NANOGNB: variants seen among roughly 807,000 people sequenced by gnomAD.
The protein encoded by NANOGNB is NANOG neighbor homeobox.
NANOGNB carries 30 observed loss-of-function variants against 25.0 expected under a neutral mutation model. That is an observed-to-expected ratio of 1.20 (90% CI 0.90 to 1.63). NANOGNB has a LOEUF of 1.63. Among genes scored for constraint, NANOGNB ranks in the 40% most tolerant of loss-of-function variants. The probability of loss-of-function intolerance (pLI) is 0.00; values close to 1 mark genes in which losing one functional copy is unlikely to be tolerated. For synonymous variants in NANOGNB, 84 were observed against 62.1 expected, an observed-to-expected ratio of 1.35 and a Z score of -1.66; for missense variants, 200 against 188.1, an observed-to-expected ratio of 1.06 and a Z score of -0.37.
chr12:7,766,347 C>A (rs1004211476), intron 1 of NANOGNB, among the ~76,000 whole-genome samples: 2 of 152,104 alleles, frequency 1.3e-5, no homozygotes, highest in Non-Finnish European at 2.9e-5. Context: ...GTGAGGCACG[C>A]CTGTAGTCCC....
In NANOGNB at chr12:7,770,462, G is replaced by C; in HGVS notation, c.459G>C (p.Thr153=). Residue 153 remains threonine, a synonymous_variant, in exon 3 of 4, where the codon ACG becomes ACC. Transcript: ENST00000382119. ...AGATAAGTCAATGGTTTTGTAAAAC[G>C]AGGAAGAAATATAATAAAGAAATGT... The part of the protein sequence containing the change: ...HKQISQWFCK[T]RKKYNKEMSK... The C allele has an allele frequency of 6.5e-7, 1 of 1,534,728 alleles. No homozygotes were observed. The highest frequency in any genetic ancestry group is 1.2e-5 in the South Asian group (1 of 82,786).
intron 1 of NANOGNB, among the ~76,000 whole-genome samples, chr12:7,766,462 G>A (rs1320885026): frequency 6.6e-6 from 1 of 152,164 alleles, no homozygotes; most frequent in Non-Finnish European, 1.5e-5. Context: ...TTCAGAGTGA[G>A]ACTCCGTCTC....
Position 7,770,273 on chromosome 12 carries a change from G to C in NANOGNB, c.393G>C (p.Glu131Asp). The change falls in exon 2 of 4, where the codon GAG becomes GAC. Residue 131 changes from glutamate to aspartate, a missense_variant. Coordinates refer to ENST00000382119, the MANE Select transcript of NANOGNB (RefSeq NM_001145465.1). Reference sequence around the variant, plus strand: ...TAAACAGGTGCCCCACTATACAAGAGAGTCTATCACTGTCATTTGAATTTG... The same window carrying C: ...TAAACAGGTGCCCCACTATACAAGACAGTCTATCACTGTCATTTGAATTTG... Reference protein sequence around the residue: ...FKLNRCPTIQESLSLSFEFDM... With the variant: ...FKLNRCPTIQDSLSLSFEFDM... 6.5e-7 allele frequency: 1 copy of C among 1,541,476 alleles called. No individual in the cohort carries two copies. The highest frequency in any genetic ancestry group is 8.7e-7 in the Non-Finnish European group (1 of 1,144,484).
In NANOGNB at chr12:7,770,103, C is replaced by T. The variant is rs185000545; in HGVS notation, c.223C>T (p.Arg75Ter). 953 of 1,537,718 alleles carry T rather than the reference C, an allele frequency of 6.2e-4. No individual in the cohort carries two copies. Among genetic ancestry groups the T allele is most frequent in the Non-Finnish European group, 7.4e-4 (838 of 1,136,756 alleles). ...AGGAGAAGCAGGCAGAAAGAGAGAA[C>T]GAGAAAAAGAAGAAAAAAACGAAAA... ...EEGEAGRKREREKEEKNEKEL... is the reference protein window; with the variant it reads ...EEGEAGRKRE Residue 75 changes from arginine (R) to a stop codon, truncating the protein, a stop_gained, in exon 2 of 4, where the codon CGA (arginine) becomes TGA (stop). Coordinates refer to ENST00000382119, the MANE Select transcript of NANOGNB (RefSeq NM_001145465.1). LOFTEE classifies it high-confidence loss of function.
intron 1 of NANOGNB, among the ~76,000 whole-genome samples, chr12:7,769,225 T>C (rs1328225334): frequency 1.3e-5 from 2 of 152,232 alleles, no homozygotes; most frequent in Middle Eastern, 3.4e-3. Context: ...AATGGTGCGA[T>C]ATCGGCTTAC....
intron 1 of NANOGNB, among the ~76,000 whole-genome samples, chr12:7,767,184 C>T (rs1387684706): frequency 6.6e-6 from 1 of 152,038 alleles, no homozygotes; most frequent in African/African-American, 2.4e-5. Context: ...TAATGTCTGA[C>T]TCTGAAGAGG....
chr12:7,767,678 G>C (rs1427708156), intron 1 of NANOGNB, among the ~76,000 whole-genome samples: 1 of 151,740 alleles, frequency 6.6e-6, no homozygotes, highest in African/African-American at 2.4e-5. Flanking sequence ...GCCTATGCTG[G>C]ACATTTCATA....
intron 3 of NANOGNB, among the ~76,000 whole-genome samples, chr12:7,773,546 CAAAA>C (rs869038102): frequency 6.5e-5 from 1 of 15,442 alleles, no homozygotes; most frequent in Non-Finnish European, 9.7e-5. Context: ...ACTAAAAATA[CAAAA>C]AAAAAAAAAA....
chr12:7,773,803 G>T lies in NANOGNB; in HGVS notation c.519G>T (p.Trp173Cys). ...TTTTTTTTTTTTTTTTAAACAGATG[G>T]AGATCTCTGTGTTGCCAAGGCTGGT... The part of the protein sequence containing the change: ...KRKHKKKHMR[W>C]RSLCCQGWSR... Residue 173 changes from tryptophan (W) to cysteine (C), a missense_variant, in exon 4 of 4, where the codon TGG becomes TGT. Physicochemically the swap from Trp to Cys is radical, Grantham distance 215. Transcript: ENST00000382119. 1.6e-6 allele frequency: 1 copy of T among 630,528 alleles called. No homozygotes were observed. The highest frequency in any genetic ancestry group is 1.7e-5 in the South Asian group (1 of 57,302). The allele number at this position is 630,528 out of a possible 1,614,324, so 39.1% of individuals were successfully genotyped here.
intron 1 of NANOGNB, among the ~76,000 whole-genome samples, chr12:7,769,323 CA>C (rs1327622209): frequency 1.5e-5 from 2 of 134,834 alleles, no homozygotes; most frequent in Admixed American, 8.0e-5. Context: ...CCATGCCTGG[CA>C]AATTTTTTTT....
At chr12:7,768,927 G>T (rs767181598) in intron 1 of NANOGNB, among the ~76,000 whole-genome samples, 10 of 151,976 alleles carry the variant, frequency 6.6e-5, no homozygotes, top group South Asian at 4.2e-4. Flanking sequence ...CCACCACGCC[G>T]GGCCTTGTTA....
intron 1 of NANOGNB, among the ~76,000 whole-genome samples, chr12:7,768,996 TA>T (rs1865269523): frequency 6.6e-6 from 1 of 152,088 alleles, no homozygotes; most frequent in Non-Finnish European, 1.5e-5. Flanking sequence ...AAAGGGATTA[TA>T]ATCTGAGAAA....
intron 3 of NANOGNB, among the ~76,000 whole-genome samples, chr12:7,772,872 C>A (rs1042881475): frequency 3.3e-5 from 5 of 152,058 alleles, no homozygotes; most frequent in African/African-American, 1.2e-4. Flanking sequence ...GCCACTGCAC[C>A]CATCTGGGCT....
At position 7,770,113 on chromosome 12, in the gene NANOGNB, A is replaced by C; in HGVS notation, c.233A>C (p.Glu78Ala). The C allele has an allele frequency of 6.5e-7, 1 of 1,544,628 alleles. No homozygotes were observed. The highest frequency in any genetic ancestry group is 8.8e-7 in the Non-Finnish European group (1 of 1,141,294). Residue 78 changes from glutamate to alanine, a missense_variant, in exon 2 of 4, where the codon GAA becomes GCA. Glu to Ala is a moderately radical substitution (Grantham distance 107). Transcript: ENST00000382119. The stretch of plus-strand genomic sequence containing the variant: ...GGCAGAAAGAGAGAACGAGAAAAAG[A>C]AGAAAAAAACGAAAAGGAGCTGCAA... ...EAGRKREREK[E>A]EKNEKELQDE... is the part of the protein sequence containing the mutation.
chr12:7,768,505 T>A (rs754584636), intron 1 of NANOGNB, among the ~76,000 whole-genome samples: 1 of 151,846 alleles, frequency 6.6e-6, no homozygotes, highest in Non-Finnish European at 1.5e-5. Flanking sequence ...GCCACTGGCA[T>A]ATTTCTTTTC....
At chr12:7,773,683 C>T (rs768324830) in intron 3 of NANOGNB, 117 bp from the exon 4 acceptor site, 8 of 429,570 alleles carry the variant, frequency 1.9e-5, no homozygotes, top group Non-Finnish European at 3.2e-5. Flanking sequence ...CGAGATTGTG[C>T]CATTGCACTC....
intron 1 of NANOGNB, chr12:7,765,935 C>T (rs2120508829): frequency 2.6e-6 from 1 of 390,564 alleles, no homozygotes; most frequent in Non-Finnish European, 4.5e-6. Context: ...ATTAGATGAC[C>T]TGGATTAGAG....
chr12:7,774,068 G>A lies in NANOGNB; in HGVS notation c.*217G>A. ...ATTTTTACCCTACTGTAGATTTAAA[G>A]TTTTTATAATGGATGTTAATTGATT... On this transcript the variant is annotated 3_prime_UTR_variant, in exon 4 of 4. Transcript: ENST00000382119. 2.7e-6 allele frequency: 1 copy of A among 365,328 alleles called. No individual in the cohort carries two copies. Among genetic ancestry groups the A allele is most frequent in the Admixed American group, 4.6e-5 (1 of 21,628 alleles). 22.6% of individuals were successfully genotyped at this position (365,328 alleles called of 1,614,324 possible).
rs149352561 is a variant in NANOGNB at position 7,771,175 on chromosome 12, T to C, written c.515+657T>C. ...CTCTAGTTAGTGGCAAAAGCTCATG[T>C]GATTTTTGGAAGGAATTAAGGACAG... On this transcript the variant is annotated intron_variant, in intron 3 of 3. Transcript: ENST00000382119. Among the ~76,000 whole-genome samples the C allele has an allele frequency of 5.7e-3, 864 of 152,324 alleles. 6 individuals are homozygous for C. Among genetic ancestry groups the C allele is most frequent in the African/African-American group, 0.019 (810 of 41,582 alleles).
Sources: allele counts gnomAD v4.1 joint callset (sites outside exome capture counted in the v4.1 genomes callset), GRCh38; gene constraint gnomAD v4.1.1; transcripts MANE v1.5; gene names NCBI Gene and HGNC (gene_info 2026-07-23, HGNC 2026-07-21).